Variants in KIAA0825 observed in about 807,000 individuals in gnomAD.
KIAA0825 encodes the protein uncharacterized protein KIAA0825.
KIAA0825 carries 119 observed loss-of-function variants against 147.6 expected under a neutral mutation model. The ratio of observed to expected loss-of-function variants is 0.81; its 90% CI spans 0.69 to 0.94. KIAA0825 has a LOEUF of 0.94. Among genes scored for constraint, KIAA0825 ranks in the 40% least tolerant of loss-of-function variants. KIAA0825 has a pLI of 0.00. For synonymous variants in KIAA0825, 470 were observed against 518.1 expected, an observed-to-expected ratio of 0.91 and a Z score of 1.26; for missense variants, 1,381 against 1,472.7, an observed-to-expected ratio of 0.94 and a Z score of 1.02.
At chr5:94,327,163 T>A (rs1780782315) in intron 20 of KIAA0825, among the ~76,000 whole-genome samples, 1 of 152,158 alleles carries the variant, frequency 6.6e-6, no homozygotes, top group African/African-American at 2.4e-5. Context: ...ATTTTTTATG[T>A]TATAAGTTGA....
intron 2 of KIAA0825, among the ~76,000 whole-genome samples, chr5:94,581,548 T>G (rs1161415651): frequency 6.6e-6 from 1 of 152,202 alleles, no homozygotes; most frequent in Non-Finnish European, 1.5e-5. Context: ...CAAATCAGTC[T>G]GTTATACTCC....
At chr5:94,495,311 C>T (rs1764228807) in intron 5 of KIAA0825, among the ~76,000 whole-genome samples, 1 of 152,140 alleles carries the variant, frequency 6.6e-6, no homozygotes, top group Admixed American at 6.5e-5. Context: ...AGCTGCCTTC[C>T]TCTCCTAAAC....
intron 20 of KIAA0825, among the ~76,000 whole-genome samples, chr5:94,350,508 G>C (rs1783535309): frequency 6.6e-6 from 1 of 152,152 alleles, no homozygotes; most frequent in African/African-American, 2.4e-5. Context: ...TATCCTTGAT[G>C]AACATGGATG....
intron 17 of KIAA0825, among the ~76,000 whole-genome samples, chr5:94,394,074 A>T (rs981054175): frequency 6.6e-6 from 1 of 151,600 alleles, no homozygotes; most frequent in Non-Finnish European, 1.5e-5. Context: ...CTGGTCTCGA[A>T]CTCCTGACCT....
chr5:94,482,718 A>G (rs1762624020), intron 6 of KIAA0825, among the ~76,000 whole-genome samples: 1 of 152,062 alleles, frequency 6.6e-6, no homozygotes. Flanking sequence ...ATCTATTTAC[A>G]TAAAGCTGCG....
intron 20 of KIAA0825, among the ~76,000 whole-genome samples, chr5:94,204,830 GGT>G (rs1276039310): frequency 6.6e-6 from 1 of 152,038 alleles, no homozygotes. Flanking sequence ...TTCCATATCT[GGT>G]GAACATCTTT....
intron 10 of KIAA0825, among the ~76,000 whole-genome samples, chr5:94,468,770 G>A (rs974676813): frequency 4.1e-4 from 63 of 152,196 alleles, no homozygotes; most frequent in African/African-American, 1.4e-3. Flanking sequence ...TGACAGGAGC[G>A]ATTCTGATGA....
intron 14 of KIAA0825, among the ~76,000 whole-genome samples, chr5:94,421,299 C>G (rs1304920355): frequency 6.6e-6 from 1 of 152,220 alleles, no homozygotes; most frequent in Non-Finnish European, 1.5e-5. Context: ...TTCATGGGGG[C>G]TCCCCCAGAA....
At chr5:94,424,424 C>T (rs1754583325) in intron 14 of KIAA0825, among the ~76,000 whole-genome samples, 1 of 152,020 alleles carries the variant, frequency 6.6e-6, no homozygotes, top group Non-Finnish European at 1.5e-5. Flanking sequence ...TGAATGACCA[C>T]TGGGTCAAGA....
chr5:94,458,359 C>G (rs1204975293), intron 12 of KIAA0825, among the ~76,000 whole-genome samples: 1 of 152,062 alleles, frequency 6.6e-6, no homozygotes, highest in African/African-American at 2.4e-5. Flanking sequence ...AAAGGTATTA[C>G]CAGACCTTGC....
chr5:94,585,909 T>G (rs899077151), intron 1 of KIAA0825, among the ~76,000 whole-genome samples: 1 of 152,120 alleles, frequency 6.6e-6, no homozygotes, highest in South Asian at 2.1e-4. Flanking sequence ...CAAATCTACA[T>G]GGAAACTGAA....
At chr5:94,431,143 G>A (rs1002154297) in intron 14 of KIAA0825, among the ~76,000 whole-genome samples, 1 of 152,022 alleles carries the variant, frequency 6.6e-6, no homozygotes, top group Non-Finnish European at 1.5e-5. Flanking sequence ...CAGGCATTCA[G>A]TATAAAAAAA....
intron 20 of KIAA0825, among the ~76,000 whole-genome samples, chr5:94,348,429 C>T (rs1783253874): frequency 6.6e-6 from 1 of 152,114 alleles, no homozygotes; most frequent in African/African-American, 2.4e-5. Flanking sequence ...AAAAACCTAT[C>T]CGATTAATAG....
intron 20 of KIAA0825, among the ~76,000 whole-genome samples, chr5:94,156,349 A>G (rs1583690455): frequency 6.6e-6 from 1 of 152,238 alleles, no homozygotes; most frequent in African/African-American, 2.4e-5. Flanking sequence ...TGTGCTAGAT[A>G]TTACATAAAA....
chr5:94,394,092 TCCG>T (rs1750298869), intron 17 of KIAA0825, among the ~76,000 whole-genome samples: 2 of 152,046 alleles, frequency 1.3e-5, no homozygotes, highest in Non-Finnish European at 2.9e-5. Context: ...CCTCAGGTGA[TCCG>T]CCTGCCTTAG....
chr5:94,586,045 T>C (rs1354264604), intron 1 of KIAA0825, among the ~76,000 whole-genome samples: 2 of 152,178 alleles, frequency 1.3e-5, no homozygotes, highest in African/African-American at 4.8e-5. Context: ...AAACAGTGTG[T>C]AGTGGGAAAT....
intron 20 of KIAA0825, among the ~76,000 whole-genome samples, chr5:94,338,511 A>C (rs1309315704): frequency 3.3e-5 from 5 of 152,178 alleles, no homozygotes; most frequent in Admixed American, 3.3e-4. Flanking sequence ...AATGAACTAC[A>C]TAGAAGACAT....
intron 5 of KIAA0825, among the ~76,000 whole-genome samples, chr5:94,508,538 A>G (rs1054084171): frequency 2.6e-5 from 4 of 151,746 alleles, no homozygotes; most frequent in African/African-American, 9.7e-5. Flanking sequence ...ATGAAAAAAA[A>G]GGGGGGGGAA....
At chr5:94,310,695 G>A (rs1779086704) in intron 20 of KIAA0825, among the ~76,000 whole-genome samples, 1 of 151,636 alleles carries the variant, frequency 6.6e-6, no homozygotes, top group South Asian at 2.1e-4. Context: ...CAGGAATGAT[G>A]TAGTAAAAAT....
Sources: allele counts gnomAD v4.1 joint callset (sites outside exome capture counted in the v4.1 genomes callset), GRCh38; gene constraint gnomAD v4.1.1; transcripts MANE v1.5; gene names NCBI Gene and HGNC (gene_info 2026-07-23, HGNC 2026-07-21).